Variants in ANAPC7 observed in about 807,000 individuals in gnomAD.
ANAPC7 encodes the protein anaphase promoting complex subunit 7.
In ANAPC7, 25 loss-of-function variants were observed where a neutral mutation model predicts 63.3. That is an observed-to-expected ratio of 0.39 (90% CI 0.29 to 0.55). ANAPC7 has a LOEUF of 0.55. Among genes scored for constraint, ANAPC7 ranks in the 20% least tolerant of loss-of-function variants. ANAPC7 has a pLI of 0.57. For missense variants in ANAPC7, 516 were observed against 691.7 expected, an observed-to-expected ratio of 0.75 and a Z score of 2.85; for synonymous variants, 241 against 251.7, an observed-to-expected ratio of 0.96 and a Z score of 0.40.
chr12:110,394,587 T>C (rs770541076), intron 3 of ANAPC7, among the ~76,000 whole-genome samples: 5 of 143,968 alleles, frequency 3.5e-5, no homozygotes, highest in Non-Finnish European at 7.5e-5. Context: ...CCCCATGCTA[T>C]TGCACTCCAG....
At chr12:110,393,199 C>T (rs1883252780) in intron 3 of ANAPC7, among the ~76,000 whole-genome samples, 1 of 152,116 alleles carries the variant, frequency 6.6e-6, no homozygotes, top group South Asian at 2.1e-4. Flanking sequence ...ATAAAAGAAT[C>T]TTACAGTATT....
intron 1 of ANAPC7, among the ~76,000 whole-genome samples, chr12:110,400,841 G>C (rs1213041458): frequency 6.6e-6 from 1 of 151,134 alleles, no homozygotes; most frequent in Non-Finnish European, 1.5e-5. Flanking sequence ...GAGGTCAGGA[G>C]TTCCAGACAA....
At chr12:110,398,948 CA>C in intron 1 of ANAPC7, among the ~76,000 whole-genome samples, 1 of 150,684 alleles carries the variant, frequency 6.6e-6, no homozygotes, top group African/African-American at 2.4e-5. Context: ...ACTCCATCTC[CA>C]AAAACAAAAA....
At chr12:110,402,898 G>T (rs1287106854) in intron 1 of ANAPC7, among the ~76,000 whole-genome samples, 3 of 152,162 alleles carry the variant, frequency 2.0e-5, no homozygotes, top group African/African-American at 7.2e-5. Context: ...ATCACGCCCG[G>T]CTAATTGTTT....
chr12:110,392,816 AT>A (rs2137972019), intron 3 of ANAPC7, among the ~76,000 whole-genome samples: 1 of 151,858 alleles, frequency 6.6e-6, no homozygotes, highest in South Asian at 2.1e-4. Context: ...TTTTTTTGAG[AT>A]GGAGTTTCAC....
chr12:110,385,038 T>C (rs1040685871), intron 6 of ANAPC7, among the ~76,000 whole-genome samples: 282 of 151,648 alleles, frequency 1.9e-3, no homozygotes, highest in African/African-American at 6.7e-3. Context: ...CTGAGGCGGG[T>C]GGATTACCTA....
chr12:110,376,168 A>G lies in ANAPC7; in HGVS notation c.1406T>C (p.Leu469Pro). 1 of 1,614,194 alleles carries G rather than the reference A, an allele frequency of 6.2e-7. No individual in the cohort carries two copies. The change falls in exon 10 of 11, where the codon CTG becomes CCG. Residue 469 changes from leucine to proline, a missense_variant. Coordinates refer to ENST00000455511, the MANE Select transcript of ANAPC7 (RefSeq NM_016238.3). Reference protein sequence around the residue: ...EDGIALLRNALANQSDCVLHR... With the variant: ...EDGIALLRNAPANQSDCVLHR... ...CAGGACACAGTCACTCTGATTAGCCAGTGCGTTCCTCAGCAAAGCAATTCC... is the reference window on the plus strand; with the variant it reads ...CAGGACACAGTCACTCTGATTAGCCGGTGCGTTCCTCAGCAAAGCAATTCC...
At chr12:110,382,462 ATAT>A (rs1191700650) in intron 7 of ANAPC7, among the ~76,000 whole-genome samples, 1,736 of 53,212 alleles carry the variant, frequency 0.033, 19 homozygotes, top group South Asian at 0.07. Context: ...AAAAAAAAAA[ATAT>A]ATATATATAT....
Position 110,400,966 on chromosome 12 carries a change from A to C in ANAPC7, c.101+2561T>G, listed in dbSNP as rs144182436. Reference sequence around the variant, plus strand: ...TCAGGAGGCTGAGGTGGGAGGATCGATTGAGCCTGGGAGGTGGAGGCTGTA... The same window carrying C: ...TCAGGAGGCTGAGGTGGGAGGATCGCTTGAGCCTGGGAGGTGGAGGCTGTA... On this transcript the variant is annotated intron_variant, in intron 1 of 10. Coordinates refer to ENST00000455511, the MANE Select transcript of ANAPC7 (RefSeq NM_016238.3). Among the ~76,000 whole-genome samples, 1,254 of 152,036 alleles carry C rather than the reference A, an allele frequency of 8.2e-3. 1 individual carries two copies. Among genetic ancestry groups the C allele is most frequent in the Non-Finnish European group, 9.5e-3 (643 of 67,956 alleles).
chr12:110,377,845 T>C, intron 8 of ANAPC7: 1 of 1,400,788 alleles, frequency 7.1e-7, no homozygotes, highest in Non-Finnish European at 9.3e-7. Context: ...CAAAGGCACC[T>C]TCAGTTTAGG....
At chr12:110,388,438 ATGTACAGGCAAGATTGAGAACTAC>A in intron 4 of ANAPC7, 50 bp downstream of exon 4, 3 of 1,156,898 alleles carry the variant, frequency 2.6e-6, no homozygotes, top group Non-Finnish European at 3.8e-6. Context: ...AGTTATTCTA[ATGTACAGGCAAGATTGAGAACTAC>A]TATCTTTGAC....
chr12:110,374,556 A>C (rs1881081717), intron 10 of ANAPC7, among the ~76,000 whole-genome samples: 1 of 152,128 alleles, frequency 6.6e-6, no homozygotes, highest in South Asian at 2.1e-4. Context: ...TCTCAATTTG[A>C]GTTTTTCTCC....
intron 8 of ANAPC7, chr12:110,379,294 T>C (rs1420825051): frequency 6.6e-6 from 1 of 152,208 alleles, no homozygotes; most frequent in Non-Finnish European, 1.5e-5. Flanking sequence ...TTGCCTAACC[T>C]AAATCTCTAC....
At position 110,388,597 on chromosome 12, in the gene ANAPC7, G is replaced by A; in HGVS notation, c.435C>T (p.Tyr145=). The A allele has an allele frequency of 1.2e-6, 2 of 1,614,084 alleles. No homozygotes were observed. The highest frequency in any genetic ancestry group is 1.1e-5 in the South Asian group (1 of 91,076). ...AAGGGCGCTCCTGACCAGCCTTCTT[G>A]TACAGGTTTGCCAGCATCATGTTTA... ...PKINMMLANL[Y]KKAGQERPSV... is the part of the protein sequence containing the mutation. Residue 145 remains tyrosine, a synonymous_variant, in exon 4 of 11, where the codon TAC becomes TAT. Coordinates refer to ENST00000455511, the MANE Select transcript of ANAPC7 (RefSeq NM_016238.3).
In ANAPC7 at chr12:110,382,456, AAAAAAATATATATATATATATATAT is replaced by A. The variant is rs1378779954; in HGVS notation, c.935+362_935+386del. Among the ~76,000 whole-genome samples, 468 of 86,180 alleles carry A rather than the reference AAAAAAATATATATATATATATATAT, an allele frequency of 5.4e-3. 15 individuals are homozygous for A. Among genetic ancestry groups the A allele is most frequent in the African/African-American group, 0.019 (430 of 22,324 alleles). 56.5% of individuals were successfully genotyped at this position (86,180 alleles called of 152,430 possible). ...ATTATCCTTTTAAAAAAAAAAAAAAAAAAAAATATATATATATATATATATATATATATATATATTTATAGAGACA... is the reference window on the plus strand; with the variant it reads ...ATTATCCTTTTAAAAAAAAAAAAAAAATATATATATATATTTATAGAGACA... On this transcript the variant is annotated intron_variant, in intron 7 of 10. Transcript: ENST00000455511.
At chr12:110,402,804 C>T (rs1204267432) in intron 1 of ANAPC7, among the ~76,000 whole-genome samples, 2 of 152,018 alleles carry the variant, frequency 1.3e-5, no homozygotes, top group Non-Finnish European at 2.9e-5. Context: ...GATGCGATCA[C>T]GGCTCACTGC....
chr12:110,383,444 A>C (rs895690957), intron 6 of ANAPC7, among the ~76,000 whole-genome samples: 1 of 151,862 alleles, frequency 6.6e-6, no homozygotes, highest in African/African-American at 2.4e-5. Context: ...CAAAAAAAGA[A>C]AATGCAAAAC....
At chr12:110,392,090 CACAAAAAAAAAAA>C (rs1883147985) in intron 3 of ANAPC7, among the ~76,000 whole-genome samples, 1 of 94,824 alleles carries the variant, frequency 1.1e-5, no homozygotes, top group Non-Finnish European at 1.9e-5. Context: ...GACTCCACCT[CACAAAAAAAAAAA>C]AAAAAAAAAA....
At chr12:110,394,975 G>A in intron 3 of ANAPC7, 126 bp downstream of exon 3, 2 of 1,183,102 alleles carry the variant, frequency 1.7e-6, no homozygotes, top group Non-Finnish European at 2.3e-6. Flanking sequence ...CCATGAAGAG[G>A]AAGAAAATGA....
Sources: allele counts gnomAD v4.1 joint callset (sites outside exome capture counted in the v4.1 genomes callset), GRCh38; gene constraint gnomAD v4.1.1; transcripts MANE v1.5; gene names NCBI Gene and HGNC (gene_info 2026-07-23, HGNC 2026-07-21).